Variants in PBRM1 observed in about 807,000 individuals in gnomAD.
PBRM1 encodes the protein polybromo 1, also known as protein polybromo-1.
Under a neutral mutation model 194.5 loss-of-function variants are expected in PBRM1, and 27 were observed. The ratio of observed to expected loss-of-function variants is 0.14; its 90% confidence interval spans 0.10 to 0.19. PBRM1 has a LOEUF of 0.19. Ranked by LOEUF, PBRM1 falls within the 10% of genes least tolerant of loss-of-function variation. The pLI is 1.00. For synonymous variants in PBRM1, 655 were observed against 693.2 expected (o/e 0.94, Z 0.87); for missense variants, 1,466 against 2,077.2 (o/e 0.71, Z 5.72).
intron 13 of PBRM1, among the ~76,000 whole-genome samples, chr3:52,620,502 C>A (rs2095225679): frequency 1.3e-5 from 2 of 152,104 alleles, no homozygotes; most frequent in South Asian, 4.1e-4. Context: ...CACACTAAGC[C>A]CAATTATCAT....
chr3:52,556,824 C>A (rs1004587406), intron 26 of PBRM1, among the ~76,000 whole-genome samples: 1 of 152,110 alleles, frequency 6.6e-6, no homozygotes, highest in Non-Finnish European at 1.5e-5. Flanking sequence ...CTAGCCAGCA[C>A]ACCCTAAATA....
chr3:52,648,280 T>G (rs1433246809), intron 7 of PBRM1, 64 bp downstream of exon 8: 1 of 906,160 alleles, frequency 1.1e-6, no homozygotes, highest in Non-Finnish European at 1.8e-6. Context: ...TTATAAAAAT[T>G]ACTGACCTTA....
chr3:52,586,456 C>T (rs2153763597), exon 20 of PBRM1: 1 of 1,613,818 alleles, frequency 6.2e-7, no homozygotes, highest in Non-Finnish European at 8.5e-7. Flanking sequence ...TTCAGCTCGA[C>T]TGTCCTCTGA....
intron 22 of PBRM1, among the ~76,000 whole-genome samples, chr3:52,574,320 G>A (rs1208698749): frequency 6.6e-6 from 1 of 152,146 alleles, no homozygotes; most frequent in Non-Finnish European, 1.5e-5. Flanking sequence ...TTGTATTCAC[G>A]AGGACAAGCC....
chr3:52,663,393 A>T (rs772522350), intron 3 of PBRM1, among the ~76,000 whole-genome samples: 1 of 152,194 alleles, frequency 6.6e-6, no homozygotes, highest in Non-Finnish European at 1.5e-5. Flanking sequence ...ACCTCTACCT[A>T]TCTAAATTCA....
At chr3:52,663,201 T>C (rs962650148) in intron 3 of PBRM1, among the ~76,000 whole-genome samples, 31 of 152,330 alleles carry the variant, frequency 2.0e-4, no homozygotes, top group Non-Finnish European at 3.5e-4. Context: ...ATGTTCACTT[T>C]GAGGGCATTT....
At chr3:52,616,641 T>G (rs960906449) in intron 14 of PBRM1, among the ~76,000 whole-genome samples, 1 of 152,048 alleles carries the variant, frequency 6.6e-6, no homozygotes, top group Non-Finnish European at 1.5e-5. Context: ...TGCAGTGAGC[T>G]GAGATGGCGC....
intron 22 of PBRM1, among the ~76,000 whole-genome samples, chr3:52,570,223 C>T (rs1450271363): frequency 6.6e-6 from 1 of 152,196 alleles, no homozygotes; most frequent in African/African-American, 2.4e-5. Context: ...GTGATCCGCC[C>T]TCCTTGGCCT....
At chr3:52,580,907 CCTGA>C (rs2090999455) in intron 20 of PBRM1, among the ~76,000 whole-genome samples, 1 of 151,972 alleles carries the variant, frequency 6.6e-6, no homozygotes, top group African/African-American at 2.4e-5. Context: ...GTTTTATAGT[CCTGA>C]CTAAAAAAGA....
At chr3:52,654,859 C>A (rs1265517256) in intron 5 of PBRM1, among the ~76,000 whole-genome samples, 1 of 152,086 alleles carries the variant, frequency 6.6e-6, no homozygotes, top group Non-Finnish European at 1.5e-5. Flanking sequence ...ATGATCACAG[C>A]TCACTGCGGC....
chr3:52,646,712 A>T (rs1313675962), intron 7 of PBRM1, among the ~76,000 whole-genome samples: 1 of 152,204 alleles, frequency 6.6e-6, no homozygotes, highest in Non-Finnish European at 1.5e-5. Context: ...CAAAGAATGA[A>T]TTTGGACTCC....
At chr3:52,679,439 TAAAAG>T (rs557143388) in intron 1 of PBRM1, 130 bp downstream of exon 2, 20 of 744,722 alleles carry the variant, frequency 2.7e-5, no homozygotes, top group African/African-American at 8.8e-5. Flanking sequence ...ATAATGTTCA[TAAAAG>T]AAAAGACTAT....
rs558363697 is a variant in PBRM1, at chr3:52,652,701, A to T, written c.646-891T>A. Among the ~76,000 whole-genome samples the T allele has an allele frequency of 1.3e-3, 186 of 147,348 alleles. 1 individual carries two copies. The highest frequency in any genetic ancestry group is 1.8e-3 in the Non-Finnish European group (119 of 66,242). On this transcript the variant is annotated intron_variant, in intron 5 of 29. Transcript: ENST00000296302. ...CAAGACTCCATCTCAAAAAAAAAAT[A>T]AATAATCTAAATTCGGCAAGGCGCG...
chr3:52,646,800 T>C (rs1346860789), intron 7 of PBRM1, among the ~76,000 whole-genome samples: 1 of 152,208 alleles, frequency 6.6e-6, no homozygotes, highest in Non-Finnish European at 1.5e-5. Context: ...AGCTAAACTA[T>C]AAACTTCTTA....
chr3:52,679,211 T>C (rs975903495), intron 1 of PBRM1, among the ~76,000 whole-genome samples: 3 of 152,238 alleles, frequency 2.0e-5, no homozygotes, highest in Non-Finnish European at 4.4e-5. Flanking sequence ...TAAGGATACA[T>C]TATTCTTTAT....
At chr3:52,605,175 C>T (rs1466440076) in intron 16 of PBRM1, among the ~76,000 whole-genome samples, 1 of 152,146 alleles carries the variant, frequency 6.6e-6, no homozygotes, top group East Asian at 1.9e-4. Context: ...GTGATCACAG[C>T]TCACCATAGC....
intron 11 of PBRM1, among the ~76,000 whole-genome samples, chr3:52,632,851 G>A (rs1018294864): frequency 6.6e-6 from 1 of 151,854 alleles, no homozygotes; most frequent in Non-Finnish European, 1.5e-5. Context: ...CTGCCACTAC[G>A]CCTGGCTAAT....
intron 22 of PBRM1, among the ~76,000 whole-genome samples, chr3:52,574,592 G>C (rs2088719267): frequency 6.6e-6 from 1 of 152,132 alleles, no homozygotes; most frequent in African/African-American, 2.4e-5. Context: ...CACATTCCTG[G>C]GAGCCTAGAA....
intron 10 of PBRM1, among the ~76,000 whole-genome samples, chr3:52,638,944 A>C (rs975838928): frequency 9.6e-5 from 12 of 124,874 alleles, no homozygotes; most frequent in Non-Finnish European, 1.7e-4. Flanking sequence ...TGGTCATCTA[A>C]ATTTTTAAAT....
Sources: gnomAD v4.1 joint callset for allele counts (sites outside exome capture counted in the v4.1 genomes callset) on GRCh38, gnomAD v4.1.1 for gene constraint, MANE v1.5 for transcripts, NCBI Gene and HGNC (gene_info 2026-07-23, HGNC 2026-07-21) for gene names.